Variants in TAFA2 observed in about 807,000 individuals in gnomAD.
TAFA2 encodes the protein chemokine-like protein TAFA-2.
TAFA2 carries 7 observed loss-of-function variants against 18.8 expected under a neutral mutation model. That is an observed-to-expected ratio of 0.37 (90% CI 0.21 to 0.70). The LOEUF is 0.70. Ranked by LOEUF, TAFA2 falls within the 30% of genes least tolerant of loss-of-function variation. TAFA2 has a pLI of 0.53. For missense variants in TAFA2, 122 were observed against 158.1 expected, an observed-to-expected ratio of 0.77 and a Z score of 1.23; for synonymous variants, 60 against 54.2, an observed-to-expected ratio of 1.11 and a Z score of -0.47.
At chr12:61,845,993 T>C (rs901733245) in intron 2 of TAFA2, among the ~76,000 whole-genome samples, 4 of 152,184 alleles carry the variant, frequency 2.6e-5, no homozygotes, top group African/African-American at 9.6e-5. Context: ...TTTTATAAAA[T>C]AAGCTTTTAT....
At chr12:62,046,275 T>C (rs1335953350) in intron 1 of TAFA2, among the ~76,000 whole-genome samples, 1 of 152,116 alleles carries the variant, frequency 6.6e-6, no homozygotes, top group African/African-American at 2.4e-5. Flanking sequence ...CTTGCACTGA[T>C]TTATTGCCAT....
At chr12:61,837,560 AACATATC>A in intron 2 of TAFA2, among the ~76,000 whole-genome samples, 1 of 151,962 alleles carries the variant, frequency 6.6e-6, no homozygotes, top group East Asian at 1.9e-4. Context: ...CTTCATCTCA[AACATATC>A]ACTTATATAT....
chr12:62,181,344 G>T (rs890917717), intron 1 of TAFA2, among the ~76,000 whole-genome samples: 1 of 152,126 alleles, frequency 6.6e-6, no homozygotes, highest in Non-Finnish European at 1.5e-5. Flanking sequence ...CAGACACTAT[G>T]CTAAACATTG....
chr12:61,783,077 T>G (rs1159462285), intron 2 of TAFA2, among the ~76,000 whole-genome samples: 1 of 151,682 alleles, frequency 6.6e-6, no homozygotes, highest in Admixed American at 6.6e-5. Flanking sequence ...TTCAACATAC[T>G]TTTACATCAA....
At chr12:61,936,093 T>A (rs1383792968) in intron 1 of TAFA2, among the ~76,000 whole-genome samples, 1 of 152,098 alleles carries the variant, frequency 6.6e-6, no homozygotes, top group Non-Finnish European at 1.5e-5. Context: ...AAATACTAGC[T>A]AGCCTAAACC....
chr12:62,233,585 C>T (rs1307177969), intron 1 of TAFA2, among the ~76,000 whole-genome samples: 4 of 152,234 alleles, frequency 2.6e-5, no homozygotes, highest in Admixed American at 6.5e-5. Flanking sequence ...GCTGACCCTA[C>T]CCACGAGGCT....
At chr12:62,095,319 C>T (rs1868902994) in intron 1 of TAFA2, among the ~76,000 whole-genome samples, 1 of 152,054 alleles carries the variant, frequency 6.6e-6, no homozygotes, top group Non-Finnish European at 1.5e-5. Context: ...AAGGGATAGA[C>T]AGTCGATTAA....
chr12:61,815,151 G>A (rs1276057367), intron 2 of TAFA2, among the ~76,000 whole-genome samples: 1 of 151,448 alleles, frequency 6.6e-6, no homozygotes, highest in Non-Finnish European at 1.5e-5. Context: ...AAATAGTAGA[G>A]AGGAGGACAT....
intron 1 of TAFA2, among the ~76,000 whole-genome samples, chr12:62,062,869 G>T (rs555597069): frequency 6.6e-6 from 1 of 152,088 alleles, no homozygotes; most frequent in African/African-American, 2.4e-5. Context: ...AAAGGCCACC[G>T]CATTCCTTGG....
At chr12:62,077,664 C>T (rs918407325) in intron 1 of TAFA2, among the ~76,000 whole-genome samples, 4 of 152,102 alleles carry the variant, frequency 2.6e-5, no homozygotes, top group African/African-American at 9.7e-5. Context: ...CACTTTGTCC[C>T]AATTCTCTTC....
chr12:61,941,870 T>A (rs12316537), intron 1 of TAFA2, among the ~76,000 whole-genome samples: 7,084 of 151,884 alleles, frequency 0.047, 520 homozygotes, highest in African/African-American at 0.16. Context: ...GCAGCGAGGC[T>A]GGGGGAGGGG....
intron 1 of TAFA2, among the ~76,000 whole-genome samples, chr12:61,910,508 G>A (rs908979958): frequency 2.6e-5 from 4 of 152,120 alleles, no homozygotes; most frequent in Admixed American, 6.5e-5. Flanking sequence ...CTCCCCAGAG[G>A]TTGACTCCAA....
chr12:62,070,199 G>A (rs143589138), intron 1 of TAFA2, among the ~76,000 whole-genome samples: 269 of 152,276 alleles, frequency 1.8e-3, no homozygotes, highest in Non-Finnish European at 3.2e-3. Flanking sequence ...GCAATGGACT[G>A]CAGAGATATC....
rs187973968 is a variant in TAFA2 at position 61,823,324 on chromosome 12, C to T, written c.106+43996G>A. On this transcript the variant is annotated intron_variant, in intron 2 of 4. Transcript: ENST00000416284. ...AAATGCTGGAATTACAGCCACGAGC[C>T]ACCGCACCCAGCCCTAACGTTTACT... Among the ~76,000 whole-genome samples the T allele has an allele frequency of 3.4e-3, 522 of 152,154 alleles. 3 individuals carry two copies. Among genetic ancestry groups the T allele is most frequent in the African/African-American group, 0.012 (490 of 41,508 alleles).
At chr12:62,147,322 G>A (rs1613951) in intron 1 of TAFA2, among the ~76,000 whole-genome samples, 5,748 of 48,878 alleles carry the variant, frequency 0.12, 286 homozygotes, top group African/African-American at 0.17. Context: ...GTGTGTGTAT[G>A]TATGTATATA....
At chr12:61,918,443 C>T (rs1440150170) in intron 1 of TAFA2, among the ~76,000 whole-genome samples, 1 of 152,224 alleles carries the variant, frequency 6.6e-6, no homozygotes, top group East Asian at 1.9e-4. Flanking sequence ...TTTCTCTTGA[C>T]ATAATGACCT....
intron 1 of TAFA2, among the ~76,000 whole-genome samples, chr12:61,963,826 C>G (rs1257194926): frequency 6.6e-6 from 1 of 152,004 alleles, no homozygotes; most frequent in Non-Finnish European, 1.5e-5. Context: ...TGACTTCAAA[C>G]TATACTACAA....
rs34781688 is a variant in TAFA2, at chr12:62,233,066, C to CTTTTTTTTTTTTTTTT, written c.-130+25681_-130+25696dup. ...TGTCCTCCCAGCAATTTCTGCATCTCTTTTTTTTTTTTTTTTTTTTTTTTT... is the reference window on the plus strand; with the variant it reads ...TGTCCTCCCAGCAATTTCTGCATCTCTTTTTTTTTTTTTTTTTTTTTTTTTTTTTTTTTTTTTTTTT... On this transcript the variant is annotated intron_variant, in intron 1 of 5. Coordinates refer to the TAFA2 transcript ENST00000551619. Among the ~76,000 whole-genome samples, 13 of 39,574 alleles carry CTTTTTTTTTTTTTTTT rather than the reference C, an allele frequency of 3.3e-4. 3 individuals are homozygous for CTTTTTTTTTTTTTTTT. Among genetic ancestry groups the CTTTTTTTTTTTTTTTT allele is most frequent in the Admixed American group, 1.5e-3 (3 of 2,038 alleles). 26.0% of individuals were successfully genotyped at this position (39,574 alleles called of 152,430 possible). A position where few individuals can be genotyped will look rare whatever the true frequency, so the allele number is the denominator to read the frequency against.
At chr12:61,928,334 C>A (rs1161508627) in intron 1 of TAFA2, among the ~76,000 whole-genome samples, 4 of 152,210 alleles carry the variant, frequency 2.6e-5, no homozygotes, top group Admixed American at 6.5e-5. Context: ...AAATAAACAA[C>A]CCTATCAAAA....
Sources: allele counts gnomAD v4.1 joint callset (sites outside exome capture counted in the v4.1 genomes callset), GRCh38; gene constraint gnomAD v4.1.1; transcripts MANE v1.5; gene names NCBI Gene and HGNC (gene_info 2026-07-23, HGNC 2026-07-21).